TSPAN5: variants seen among roughly 807,000 people sequenced by gnomAD.
TSPAN5 encodes the protein tetraspanin 5, also known as tetraspanin-5.
In TSPAN5, 10 loss-of-function variants were observed where a neutral mutation model predicts 37.1. The observed-to-expected ratio is 0.27, with a 90% CI of 0.17 to 0.46. The LOEUF (loss-of-function observed/expected upper bound fraction) is 0.46. Ranked by LOEUF, TSPAN5 falls within the 20% of genes least tolerant of loss-of-function variation. The probability of loss-of-function intolerance (pLI) is 1.00; values close to 1 mark genes in which losing one functional copy is unlikely to be tolerated. For missense variants in TSPAN5, 195 were observed against 326.6 expected (o/e 0.60, Z 3.11); for synonymous variants, 110 against 118.9 (o/e 0.93, Z 0.48).
chr4:98,569,013 A>C (rs1755064746), intron 1 of TSPAN5, among the ~76,000 whole-genome samples: 1 of 152,224 alleles, frequency 6.6e-6, no homozygotes, highest in African/African-American at 2.4e-5. Context: ...AGAAGGATGC[A>C]GGCAGCTGAA....
intron 1 of TSPAN5, among the ~76,000 whole-genome samples, chr4:98,571,576 C>T (rs1180818260): frequency 6.8e-6 from 1 of 147,262 alleles, no homozygotes; most frequent in Non-Finnish European, 1.5e-5. Flanking sequence ...AAAAAAAAAC[C>T]ACATACTGTG....
At chr4:98,481,400 C>T (rs374462132) in intron 4 of TSPAN5, among the ~76,000 whole-genome samples, 29 of 152,100 alleles carry the variant, frequency 1.9e-4, no homozygotes, top group East Asian at 7.8e-4. Flanking sequence ...TGCTCAGAGA[C>T]GGGAGGGAGT....
chr4:98,478,596 G>T, intron 5 of TSPAN5, 89 bp downstream of exon 5: 2 of 1,544,816 alleles, frequency 1.3e-6, no homozygotes, highest in South Asian at 1.1e-5. Flanking sequence ...GTAAGAAGAG[G>T]GTTCAACCAA....
At chr4:98,644,048 T>G (rs1399153180) in intron 1 of TSPAN5, among the ~76,000 whole-genome samples, 1 of 152,198 alleles carries the variant, frequency 6.6e-6, no homozygotes, top group Non-Finnish European at 1.5e-5. Context: ...GTTTTCCTGT[T>G]ACTGAATTAC....
chr4:98,493,372 C>T (rs28529656), intron 2 of TSPAN5, among the ~76,000 whole-genome samples: 67,432 of 152,018 alleles, frequency 0.44, 15,182 homozygotes, highest in Admixed American at 0.51. Flanking sequence ...TACTAGACTT[C>T]GCAGATAACA....
intron 1 of TSPAN5, among the ~76,000 whole-genome samples, chr4:98,512,195 G>A (rs1753623508): frequency 6.6e-6 from 1 of 151,866 alleles, no homozygotes; most frequent in Non-Finnish European, 1.5e-5. Flanking sequence ...CCTGGCGACA[G>A]AGCAAGACTC....
At chr4:98,614,834 T>C (rs1180648464) in intron 1 of TSPAN5, among the ~76,000 whole-genome samples, 3 of 152,190 alleles carry the variant, frequency 2.0e-5, no homozygotes, top group Non-Finnish European at 4.4e-5. Flanking sequence ...TACAAGTTCA[T>C]GTGGAGACAA....
intron 1 of TSPAN5, among the ~76,000 whole-genome samples, chr4:98,565,722 C>T (rs1456494879): frequency 2.0e-5 from 3 of 152,146 alleles, no homozygotes; most frequent in Non-Finnish European, 4.4e-5. Flanking sequence ...AGCTGAGAGG[C>T]TGTCTGAGAG....
chr4:98,642,315 G>A (rs1756974634), intron 1 of TSPAN5, among the ~76,000 whole-genome samples: 1 of 152,072 alleles, frequency 6.6e-6, no homozygotes, highest in East Asian at 1.9e-4. Context: ...CTTTAAAACT[G>A]GATTTTAAAA....
intron 1 of TSPAN5, among the ~76,000 whole-genome samples, chr4:98,630,948 CA>C (rs1181539012): frequency 6.6e-6 from 1 of 152,164 alleles, no homozygotes; most frequent in Non-Finnish European, 1.5e-5. Context: ...TTCTTTTGCT[CA>C]CTGGCTGAGA....
chr4:98,494,715 C>T (rs1753160606), intron 2 of TSPAN5, among the ~76,000 whole-genome samples: 1 of 151,712 alleles, frequency 6.6e-6, no homozygotes, highest in African/African-American at 2.4e-5. Context: ...GTAGAGGCAC[C>T]CAGGAGGAGT....
chr4:98,526,294 T>C (rs371372702), intron 1 of TSPAN5, among the ~76,000 whole-genome samples: 1 of 152,202 alleles, frequency 6.6e-6, no homozygotes, highest in Non-Finnish European at 1.5e-5. Flanking sequence ...CTTTTTCACA[T>C]ACACAAGAAA....
intron 1 of TSPAN5, among the ~76,000 whole-genome samples, chr4:98,549,311 TG>T (rs200222636): frequency 0.27 from 7,106 of 26,124 alleles, 424 homozygotes; most frequent in African/African-American, 0.47. Context: ...TGTTTTTTTT[TG>T]TTTTTTTTGA....
chr4:98,482,270 A>G (rs1225908787), intron 3 of TSPAN5, 95 bp from the exon 4 acceptor site: 2 of 1,112,024 alleles, frequency 1.8e-6, no homozygotes, highest in African/African-American at 3.2e-5. Flanking sequence ...TTGTAATTAC[A>G]TTGGATTGTT....
At chr4:98,550,668 C>T (rs1385198906) in intron 1 of TSPAN5, among the ~76,000 whole-genome samples, 2 of 150,076 alleles carry the variant, frequency 1.3e-5, no homozygotes, top group South Asian at 2.1e-4. Flanking sequence ...ATTTGGTCCT[C>T]GGCTAGATCA....
At chr4:98,571,297 G>C (rs1194698007) in intron 1 of TSPAN5, among the ~76,000 whole-genome samples, 4 of 152,038 alleles carry the variant, frequency 2.6e-5, no homozygotes, top group Non-Finnish European at 5.9e-5. Flanking sequence ...TGGAGGGCAG[G>C]CTGCACGGGG....
At chr4:98,476,153 T>G (rs1364233197) in intron 7 of TSPAN5, 36 bp downstream of exon 7, 2 of 1,513,728 alleles carry the variant, frequency 1.3e-6, no homozygotes, top group Non-Finnish European at 1.8e-6. Context: ...CAGGGCATTA[T>G]TTCCCTGTGA....
At chr4:98,476,569 G>A in intron 5 of TSPAN5, 109 bp from the exon 6 acceptor site, 1 of 1,001,648 alleles carries the variant, frequency 1.0e-6, no homozygotes, top group Non-Finnish European at 1.6e-6. Flanking sequence ...TGTGTATCTG[G>A]GCACAAAGAC....
chr4:98,618,135 A>G (rs1396750096), intron 1 of TSPAN5, among the ~76,000 whole-genome samples: 1 of 152,242 alleles, frequency 6.6e-6, no homozygotes, highest in African/African-American at 2.4e-5. Flanking sequence ...CATGCATTCT[A>G]TCTGGCAGCT....
Sources: gnomAD v4.1 joint callset for allele counts (sites outside exome capture counted in the v4.1 genomes callset) on GRCh38, gnomAD v4.1.1 for gene constraint, MANE v1.5 for transcripts, NCBI Gene and HGNC (gene_info 2026-07-23, HGNC 2026-07-21) for gene names.